ASIC2: variants seen among roughly 807,000 people sequenced by gnomAD.
ASIC2 encodes acid-sensing ion channel 2.
In ASIC2, 25 loss-of-function variants were observed where a neutral mutation model predicts 57.3. The ratio of observed to expected loss-of-function variants is 0.44; its 90% confidence interval spans 0.32 to 0.61. The LOEUF is 0.61. Ranked by LOEUF, ASIC2 falls within the 20% of genes least tolerant of loss-of-function variation. The pLI is 0.06. For synonymous variants in ASIC2, 319 were observed against 307.5 expected, an observed-to-expected ratio of 1.04 and a Z score of -0.39; for missense variants, 641 against 738.1, an observed-to-expected ratio of 0.87 and a Z score of 1.52.
chr17:33,605,178 G>T (rs565728801), intron 1 of ASIC2, among the ~76,000 whole-genome samples: 1 of 152,290 alleles, frequency 6.6e-6, no homozygotes, highest in East Asian at 1.9e-4. Flanking sequence ...ATAATCTTAC[G>T]TTGGGCAAGT....
chr17:33,470,098 CAT>C (rs1912997950), intron 1 of ASIC2, among the ~76,000 whole-genome samples: 1 of 152,118 alleles, frequency 6.6e-6, no homozygotes, highest in South Asian at 2.1e-4. Flanking sequence ...GGGAATGACT[CAT>C]GTGGACTAGT....
chr17:33,152,751 T>C (rs1299041541), intron 1 of ASIC2, among the ~76,000 whole-genome samples: 1 of 152,182 alleles, frequency 6.6e-6, no homozygotes, highest in African/African-American at 2.4e-5. Context: ...TCCCTGTACA[T>C]CATCCCTTTC....
intron 1 of ASIC2, among the ~76,000 whole-genome samples, chr17:33,429,429 C>T (rs1475074134): frequency 2.0e-5 from 3 of 152,042 alleles, no homozygotes; most frequent in East Asian, 3.9e-4. Context: ...CTCGCTCTGT[C>T]GCCCAGGCTG....
At chr17:33,579,886 A>G (rs535185187) in intron 1 of ASIC2, among the ~76,000 whole-genome samples, 2 of 140,374 alleles carry the variant, frequency 1.4e-5, no homozygotes, top group East Asian at 3.9e-4. Flanking sequence ...TTATTGGTCC[A>G]TTTTACAGAG....
intron 1 of ASIC2, among the ~76,000 whole-genome samples, chr17:33,261,811 C>G (rs1489251527): frequency 2.4e-5 from 2 of 83,736 alleles, no homozygotes; most frequent in Admixed American, 2.8e-4. Flanking sequence ...GAATCCTAGT[C>G]ACGACGAGGT....
At chr17:34,117,066 G>C (rs1303576959) in intron 1 of ASIC2, among the ~76,000 whole-genome samples, 1 of 152,132 alleles carries the variant, frequency 6.6e-6, no homozygotes, top group African/African-American at 2.4e-5. Flanking sequence ...TATATGGAAA[G>C]TGTGCACACA....
intron 1 of ASIC2, among the ~76,000 whole-genome samples, chr17:33,593,058 CATTTCACAAG>C (rs1358213979): frequency 1.3e-5 from 2 of 152,204 alleles, no homozygotes; most frequent in Non-Finnish European, 2.9e-5. Flanking sequence ...GTAGTTCACA[CATTTCACAAG>C]ATCCCCAAAA....
intron 1 of ASIC2, among the ~76,000 whole-genome samples, chr17:34,024,950 A>G (rs1907319388): frequency 6.6e-6 from 1 of 152,206 alleles, no homozygotes; most frequent in African/African-American, 2.4e-5. Flanking sequence ...GCACTTTAGC[A>G]CTTTCCCTTT....
intron 1 of ASIC2, among the ~76,000 whole-genome samples, chr17:33,442,454 T>A (rs1486668698): frequency 6.6e-6 from 1 of 152,180 alleles, no homozygotes; most frequent in South Asian, 2.1e-4. Flanking sequence ...TGTTTTATAG[T>A]TTTCAGTGAT....
intron 1 of ASIC2, among the ~76,000 whole-genome samples, chr17:33,782,179 A>AT (rs1453982431): frequency 6.6e-6 from 1 of 151,906 alleles, no homozygotes; most frequent in Non-Finnish European, 1.5e-5. Context: ...CAATTTATAC[A>AT]TTTTTTCTTT....
chr17:33,895,111 T>G (rs1915061857), intron 1 of ASIC2, among the ~76,000 whole-genome samples: 1 of 152,076 alleles, frequency 6.6e-6, no homozygotes, highest in African/African-American at 2.4e-5. Context: ...CTCCTTTGGA[T>G]CCAGTCTTTT....
chr17:33,697,837 TCTGA>T (rs1377191827), intron 1 of ASIC2, among the ~76,000 whole-genome samples: 1 of 152,224 alleles, frequency 6.6e-6, no homozygotes, highest in African/African-American at 2.4e-5. Flanking sequence ...TGAAAAGAAC[TCTGA>T]CTGTCAGTGA....
chr17:33,171,047 C>A, intron 1 of ASIC2, among the ~76,000 whole-genome samples: 1 of 152,192 alleles, frequency 6.6e-6, no homozygotes, highest in Non-Finnish European at 1.5e-5. Flanking sequence ...TCCTCAGCCT[C>A]CAACATCTGC....
At chr17:33,608,083 A>G (rs375415217) in intron 1 of ASIC2, among the ~76,000 whole-genome samples, 3 of 152,180 alleles carry the variant, frequency 2.0e-5, no homozygotes, top group African/African-American at 7.2e-5. Flanking sequence ...AATCGGGCCA[A>G]GGAAAGGAAG....
At chr17:33,264,585 G>A (rs1296094422) in intron 1 of ASIC2, among the ~76,000 whole-genome samples, 3 of 152,184 alleles carry the variant, frequency 2.0e-5, no homozygotes, top group South Asian at 2.1e-4. Flanking sequence ...AAGTAAGGGC[G>A]GCAGCTGAAT....
chr17:34,145,973 G>A (rs1014333464), intron 1 of ASIC2, among the ~76,000 whole-genome samples: 1 of 152,228 alleles, frequency 6.6e-6, no homozygotes, highest in Non-Finnish European at 1.5e-5. Flanking sequence ...TTTTCAGAGA[G>A]AGCAAACTTA....
At chr17:33,403,518 T>G (rs922363192) in intron 1 of ASIC2, among the ~76,000 whole-genome samples, 7 of 152,240 alleles carry the variant, frequency 4.6e-5, no homozygotes, top group Admixed American at 2.6e-4. Flanking sequence ...AAAAAATGTT[T>G]TAAACAAATC....
intron 1 of ASIC2, among the ~76,000 whole-genome samples, chr17:33,651,300 G>A (rs769852492): frequency 2.0e-4 from 31 of 152,268 alleles, no homozygotes; most frequent in Admixed American, 1.6e-3. Flanking sequence ...TGAGTGATAA[G>A]TACGTAGAAC....
chr17:33,961,561 G>A (rs1248473586), intron 1 of ASIC2, among the ~76,000 whole-genome samples: 1 of 152,126 alleles, frequency 6.6e-6, no homozygotes. Flanking sequence ...GTCCTCACAG[G>A]GGCAGCCAAA....
Sources: gnomAD v4.1 joint callset for allele counts (sites outside exome capture counted in the v4.1 genomes callset) on GRCh38, gnomAD v4.1.1 for gene constraint, MANE v1.5 for transcripts, NCBI Gene and HGNC (gene_info 2026-07-23, HGNC 2026-07-21) for gene names.